Variants in INPP4A observed in about 807,000 individuals in gnomAD.
The protein encoded by INPP4A is inositol polyphosphate-4-phosphatase type I A, also known as inositol polyphosphate-4-phosphatase, type I, 107kD.
A neutral mutation model predicts 119.8 loss-of-function variants in INPP4A; 33 were observed. The observed-to-expected ratio is 0.28, with a 90% CI of 0.21 to 0.37. INPP4A has a LOEUF of 0.37. Ranked by LOEUF, INPP4A falls within the 10% of genes least tolerant of loss-of-function variation. The pLI, the probability that INPP4A is intolerant of heterozygous loss-of-function variation, is 1.00. For missense variants in INPP4A, 956 were observed against 1,289.9 expected, an observed-to-expected ratio of 0.74 and a Z score of 3.97; for synonymous variants, 496 against 500.7, an observed-to-expected ratio of 0.99 and a Z score of 0.12.
chr2:98,507,217 C>T (rs920449328), intron 1 of INPP4A, among the ~76,000 whole-genome samples: 1 of 152,216 alleles, frequency 6.6e-6, no homozygotes, highest in African/African-American at 2.4e-5. Flanking sequence ...TGTAAAACAG[C>T]CCATCCCATC....
intron 1 of INPP4A, among the ~76,000 whole-genome samples, chr2:98,471,983 G>T (rs1676120996): frequency 6.6e-6 from 1 of 152,200 alleles, no homozygotes; most frequent in African/African-American, 2.4e-5. Flanking sequence ...TGTGCTGGAG[G>T]GCCACCTGTC....
At chr2:98,568,009 G>A (rs1559093179) in intron 21 of INPP4A, among the ~76,000 whole-genome samples, 1 of 152,250 alleles carries the variant, frequency 6.6e-6, no homozygotes, top group Non-Finnish European at 1.5e-5. Context: ...CTTCCTTGCA[G>A]GTGGCATTTT....
At chr2:98,553,058 C>A in intron 14 of INPP4A, 89 bp downstream of exon 14, 1 of 1,003,462 alleles carries the variant, frequency 1.0e-6, no homozygotes, top group Non-Finnish European at 1.5e-6. Flanking sequence ...CTAAGATGGT[C>A]CACAAAGAGC....
chr2:98,532,892 A>G (rs889975940), intron 4 of INPP4A, among the ~76,000 whole-genome samples: 2 of 152,202 alleles, frequency 1.3e-5, no homozygotes, highest in African/African-American at 4.8e-5. Flanking sequence ...TTGCCATAGA[A>G]TTCTAATTTT....
intron 1 of INPP4A, among the ~76,000 whole-genome samples, chr2:98,491,760 A>G (rs1247683092): frequency 6.6e-6 from 1 of 152,192 alleles, no homozygotes; most frequent in African/African-American, 2.4e-5. Context: ...TCTGTACAGC[A>G]TTTTAACTGT....
intron 1 of INPP4A, among the ~76,000 whole-genome samples, chr2:98,486,757 A>G (rs1321909851): frequency 6.6e-6 from 1 of 152,156 alleles, no homozygotes; most frequent in Non-Finnish European, 1.5e-5. Flanking sequence ...GTCTGATGGT[A>G]CTCCTCTCAT....
intron 17 of INPP4A, among the ~76,000 whole-genome samples, chr2:98,563,144 AC>A (rs1483190236): frequency 3.9e-5 from 6 of 152,112 alleles, no homozygotes; most frequent in Admixed American, 2.0e-4. Flanking sequence ...CCTCGTCATG[AC>A]TTGCAGAAGC....
rs1700215597 is a variant in INPP4A, at chr2:98,589,329, T to G, written c.*1721T>G. 1 of 185,510 alleles carries G rather than the reference T, an allele frequency of 5.4e-6. No individual in the cohort carries two copies. The highest frequency in any genetic ancestry group is 2.3e-5 in the African/African-American group (1 of 42,656). The allele number at this position is 185,510 out of a possible 1,614,324, so 11.5% of individuals were successfully genotyped here. A position where few individuals can be genotyped will look rare whatever the true frequency, so the allele number is the denominator to read the frequency against. On this transcript the variant is annotated 3_prime_UTR_variant, in exon 25 of 25. Coordinates refer to ENST00000409851, the MANE Select transcript of INPP4A (RefSeq NM_001134225.2). ...CAGTTTGTTTTCAATATGGCTGATT[T>G]ACCCTTTCACCTCTCCACCATCTCA...
rs2106390535 is a variant in INPP4A at position 98,569,038 on chromosome 2, T to C, written c.2518+370T>C. On this transcript the variant is annotated intron_variant, in intron 22 of 24. Coordinates refer to ENST00000409851, the MANE Select transcript of INPP4A (RefSeq NM_001134225.2). This position sits in a 1 kb window ranked among gnomAD's most constrained non-coding sequence, Gnocchi z 5.1. Reference sequence around the variant, plus strand: ...GCGGCCCACTCACTTCCCTTTGTGGTGCTTAGAGAGGAAGATGCGGGGCCA... The same window carrying C: ...GCGGCCCACTCACTTCCCTTTGTGGCGCTTAGAGAGGAAGATGCGGGGCCA... 1 of 182,996 alleles carries C rather than the reference T, an allele frequency of 5.5e-6. No homozygotes were observed. Among genetic ancestry groups the C allele is most frequent in the Non-Finnish European group, 1.2e-5 (1 of 86,536 alleles). 11.3% of individuals were successfully genotyped at this position (182,996 alleles called of 1,614,324 possible).
chr2:98,459,899 A>G (rs1371136884), intron 1 of INPP4A, among the ~76,000 whole-genome samples: 2 of 152,264 alleles, frequency 1.3e-5, no homozygotes, highest in African/African-American at 4.8e-5. Context: ...AGGGGAGACC[A>G]GAATCCACTG....
intron 1 of INPP4A, among the ~76,000 whole-genome samples, chr2:98,460,286 A>G (rs1467227356): frequency 6.6e-6 from 1 of 152,136 alleles, no homozygotes; most frequent in Non-Finnish European, 1.5e-5. Context: ...GGAGCATCAC[A>G]GGGCCTCAGG....
rs1271026655 is a variant in INPP4A at position 98,593,140 on chromosome 2, T to A, written c.*5532T>A. 1 of 152,356 alleles carries A rather than the reference T, an allele frequency of 6.6e-6. No individual in the cohort carries two copies. The highest frequency in any genetic ancestry group is 2.4e-5 in the African/African-American group (1 of 41,472). The allele number at this position is 152,356 out of a possible 1,614,324, so 9.4% of individuals were successfully genotyped here. On this transcript the variant is annotated 3_prime_UTR_variant, in exon 25 of 25. Transcript: ENST00000409851. ...ATTCCCTCCACTGGAACCCTGTCTT[T>A]GCCATGATTTCTTCCTGCATCAGGC...
At chr2:98,463,920 A>G (rs1674163825) in intron 1 of INPP4A, among the ~76,000 whole-genome samples, 1 of 152,160 alleles carries the variant, frequency 6.6e-6, no homozygotes, top group Non-Finnish European at 1.5e-5. Context: ...CTCCTGCCTG[A>G]TAGTGGTCAG....
chr2:98,447,238 G>A (rs1233938608), intron 1 of INPP4A, among the ~76,000 whole-genome samples: 2 of 152,146 alleles, frequency 1.3e-5, no homozygotes, highest in African/African-American at 4.8e-5. Flanking sequence ...ACTACTCATG[G>A]TGTCAGGAGG....
At chr2:98,454,849 G>A (rs1415294007) in intron 1 of INPP4A, among the ~76,000 whole-genome samples, 2 of 151,960 alleles carry the variant, frequency 1.3e-5, no homozygotes, top group Non-Finnish European at 2.9e-5. Context: ...TACTGACACT[G>A]TTTTTTTAAA....
chr2:98,593,305 G>C lies in INPP4A; in HGVS notation c.*5697G>C, dbSNP rs1206926506. On this transcript the variant is annotated 3_prime_UTR_variant, in exon 25 of 25. Coordinates refer to ENST00000409851, the MANE Select transcript of INPP4A (RefSeq NM_001134225.2). ...AGGATGCCTGTGTTAGATGGATGTA[G>C]ACAGACACAGCACTTCACTGCTTCC... 2.0e-5 allele frequency: 3 copies of C among 152,546 alleles called. No homozygotes were observed. Among genetic ancestry groups the C allele is most frequent in the African/African-American group, 7.2e-5 (3 of 41,460 alleles). The allele number at this position is 152,546 out of a possible 1,614,324, so 9.4% of individuals were successfully genotyped here. A position where few individuals can be genotyped will look rare whatever the true frequency, so the allele number is the denominator to read the frequency against.
At chr2:98,496,291 A>T (rs1021143976) in intron 1 of INPP4A, among the ~76,000 whole-genome samples, 1 of 152,244 alleles carries the variant, frequency 6.6e-6, no homozygotes, top group Non-Finnish European at 1.5e-5. Flanking sequence ...ATAGTCTCCA[A>T]TAAATGCTGT....
At chr2:98,507,374 A>G (rs1245747837) in intron 1 of INPP4A, among the ~76,000 whole-genome samples, 1 of 152,242 alleles carries the variant, frequency 6.6e-6, no homozygotes, top group East Asian at 1.9e-4. Flanking sequence ...TGTCTGATAC[A>G]ATGTAAAGCC....
chr2:98,519,817 C>G, intron 2 of INPP4A, 129 bp from the exon 3 acceptor site: 2 of 529,428 alleles, frequency 3.8e-6, no homozygotes, highest in Non-Finnish European at 6.9e-6. Context: ...CAGTCCACCC[C>G]GGTTCCTCAC....
Sources: allele counts gnomAD v4.1 joint callset (sites outside exome capture counted in the v4.1 genomes callset), GRCh38; gene constraint gnomAD v4.1.1; non-coding constraint Gnocchi (gnomAD v3.1); transcripts MANE v1.5; gene names NCBI Gene and HGNC (gene_info 2026-07-23, HGNC 2026-07-21).